DTNA: variants seen among roughly 807,000 people sequenced by gnomAD.
DTNA encodes dystrobrevin alpha.
DTNA carries 43 observed loss-of-function variants against 100.7 expected under a neutral mutation model. The ratio of observed to expected loss-of-function variants is 0.43; its 90% CI spans 0.33 to 0.55. The LOEUF is 0.55. DTNA is among the 20% of genes least tolerant of loss of function. The pLI, the probability that DTNA is intolerant of heterozygous loss-of-function variation, is 0.04. For missense variants in DTNA, 798 were observed against 953.9 expected, an observed-to-expected ratio of 0.84 and a Z score of 2.15; for synonymous variants, 349 against 347.9, an observed-to-expected ratio of 1.00 and a Z score of -0.04.
rs1599259876 is a variant in DTNA at position 34,627,168 on chromosome 18, T to C, written c.-1-128808T>C. Among the ~76,000 whole-genome samples, 2 of 152,112 alleles carry C rather than the reference T, an allele frequency of 1.3e-5. 1 individual carries two copies. The highest frequency in any genetic ancestry group is 4.2e-4 in the South Asian group (2 of 4,818). On this transcript the variant is annotated intron_variant, in intron 1 of 19. Transcript: ENST00000283365. ...GAGAGTCAAAAAAAAAAAAAATCGA[T>C]TCATTCAAAGTATCTACCACTTCAA...
At chr18:34,558,507 G>A (rs945726511) in intron 1 of DTNA, among the ~76,000 whole-genome samples, 7 of 152,204 alleles carry the variant, frequency 4.6e-5, no homozygotes, top group South Asian at 4.2e-4. Flanking sequence ...ACAAAAATAC[G>A]TTACTGCCCT....
chr18:34,496,205 AACACACACACAC>A (rs367764683), intron 1 of DTNA, among the ~76,000 whole-genome samples: 31 of 138,594 alleles, frequency 2.2e-4, no homozygotes, highest in Non-Finnish European at 2.9e-4. Context: ...CCCTCCCTGC[AACACACACACAC>A]ACACACACAC....
intron 1 of DTNA, among the ~76,000 whole-genome samples, chr18:34,679,216 T>A (rs193031503): frequency 6.6e-6 from 1 of 152,334 alleles, no homozygotes; most frequent in East Asian, 1.9e-4. Flanking sequence ...AAATCTTGGA[T>A]GATCACTTAA....
intron 1 of DTNA, among the ~76,000 whole-genome samples, chr18:34,524,374 G>A (rs1172018797): frequency 1.3e-5 from 2 of 152,072 alleles, no homozygotes; most frequent in African/African-American, 2.4e-5. Flanking sequence ...TGTGATAATT[G>A]CTATTTATAT....
Position 34,862,927 on chromosome 18 carries a change from G to A in DTNA, c.1647-1039G>A, listed in dbSNP as rs779194160. ...GACATTTTTATATCATCAGTTTTTC[G>A]TTGCAGAGTTCTTGTCATAGTTTCA... is the stretch of plus-strand genomic sequence containing the variant. On this transcript the variant is annotated intron_variant, in intron 16 of 22. Coordinates refer to ENST00000444659, the MANE Select transcript of DTNA (RefSeq NM_001386795.1). Among the ~76,000 whole-genome samples, 48 of 152,182 alleles carry A rather than the reference G, an allele frequency of 3.2e-4. 1 individual carries two copies. The highest frequency in any genetic ancestry group is 1.0e-3 in the African/African-American group (42 of 41,530).
intron 1 of DTNA, among the ~76,000 whole-genome samples, chr18:34,551,216 C>T (rs2045375969): frequency 6.6e-6 from 1 of 152,064 alleles, no homozygotes; most frequent in Non-Finnish European, 1.5e-5. Flanking sequence ...TGATAATTTC[C>T]CACTCAAACT....
chr18:34,539,065 A>G (rs1239514740), intron 1 of DTNA, among the ~76,000 whole-genome samples: 1 of 152,040 alleles, frequency 6.6e-6, no homozygotes, highest in East Asian at 1.9e-4. Context: ...TCACAAGTAA[A>G]TGCCATGTAA....
intron 1 of DTNA, among the ~76,000 whole-genome samples, chr18:34,532,222 T>C (rs570864396): frequency 3.3e-5 from 5 of 152,240 alleles, no homozygotes; most frequent in African/African-American, 1.2e-4. Flanking sequence ...CATAAGTTAA[T>C]TCTGATGAGG....
intron 1 of DTNA, among the ~76,000 whole-genome samples, chr18:34,589,930 ATGGCAGGATCTCTTTTT>A (rs55968010): frequency 0.1 from 15,328 of 151,658 alleles, 1,108 homozygotes; most frequent in African/African-American, 0.2. Flanking sequence ...GTTATGGCAA[ATGGCAGGATCTCTTTTT>A]TGGGGGCTGG....
intron 1 of DTNA, among the ~76,000 whole-genome samples, chr18:34,718,091 G>A (rs375246880): frequency 1.3e-4 from 20 of 152,110 alleles, no homozygotes; most frequent in Non-Finnish European, 2.6e-4. Context: ...GAAAATTGTC[G>A]ATTACTGCAT....
At chr18:34,578,550 A>G (rs963171726) in intron 1 of DTNA, among the ~76,000 whole-genome samples, 1 of 151,528 alleles carries the variant, frequency 6.6e-6, no homozygotes, top group Non-Finnish European at 1.5e-5. Context: ...GCCTAAGACA[A>G]TGTCTGGAAG....
chr18:34,679,314 G>A (rs977964096), intron 1 of DTNA, among the ~76,000 whole-genome samples: 15 of 152,070 alleles, frequency 9.9e-5, no homozygotes, highest in Admixed American at 3.3e-4. Context: ...TAAATGAAAA[G>A]CAAGGTTCTA....
At chr18:34,883,449 A>G (rs1251238764) in intron 21 of DTNA, among the ~76,000 whole-genome samples, 1 of 151,944 alleles carries the variant, frequency 6.6e-6, no homozygotes, top group East Asian at 1.9e-4. Flanking sequence ...AGCTGGGACT[A>G]CAGGTGCACA....
At chr18:34,829,594 G>C (rs2095951203) in intron 11 of DTNA, 105 bp downstream of exon 11, 11 of 1,172,746 alleles carry the variant, frequency 9.4e-6, no homozygotes, top group Non-Finnish European at 1.3e-5. Context: ...ACGTCTTATT[G>C]GAGATAGAGG....
chr18:34,827,511 T>C, intron 9 of DTNA, 82 bp from the exon 10 acceptor site: 2 of 1,308,586 alleles, frequency 1.5e-6, no homozygotes, highest in South Asian at 1.2e-5. Flanking sequence ...TCCCATCCCG[T>C]TTCCTGGAGG....
At chr18:34,590,138 AT>A (rs1385710036) in intron 1 of DTNA, among the ~76,000 whole-genome samples, 2 of 152,198 alleles carry the variant, frequency 1.3e-5, no homozygotes, top group Non-Finnish European at 2.9e-5. Context: ...TGCTGGGTAT[AT>A]TTTTAAGTTG....
chr18:34,499,237 A>T (rs1358655384), intron 1 of DTNA, among the ~76,000 whole-genome samples: 1 of 152,182 alleles, frequency 6.6e-6, no homozygotes, highest in Admixed American at 6.5e-5. Context: ...ATTATACATA[A>T]TGGGAACTTT....
chr18:34,643,726 A>G (rs779582794), intron 1 of DTNA, among the ~76,000 whole-genome samples: 2 of 152,214 alleles, frequency 1.3e-5, no homozygotes, highest in Admixed American at 1.3e-4. Context: ...CTTTTTTAAA[A>G]GCTGAGATTA....
At position 34,840,755 on chromosome 18, in the gene DTNA, C is replaced by CT. The variant is rs377481706; in HGVS notation, c.1346+1921dup. 3.2e-3 allele frequency among the ~76,000 whole-genome samples: 494 copies of CT among 152,216 alleles called. 2 individuals carry two copies. Among genetic ancestry groups the CT allele is most frequent in the African/African-American group, 0.012 (478 of 41,558 alleles). On this transcript the variant is annotated intron_variant, in intron 13 of 22. Coordinates refer to ENST00000444659, the MANE Select transcript of DTNA (RefSeq NM_001386795.1). ...AAGGCCAACCAATCAATGAAGGAGG[C>CT]TTTGTTTTAATAGCTGCACCCTCCA...
Sources: allele counts gnomAD v4.1 joint callset (sites outside exome capture counted in the v4.1 genomes callset), GRCh38; gene constraint gnomAD v4.1.1; transcripts MANE v1.5; gene names NCBI Gene and HGNC (gene_info 2026-07-23, HGNC 2026-07-21).